FCHO2: variants seen among roughly 807,000 people sequenced by gnomAD.
FCHO2 encodes F-BAR domain only protein 2.
In FCHO2, 43 loss-of-function variants were observed where a neutral mutation model predicts 114.1. That is an observed-to-expected ratio of 0.38 (90% CI 0.30 to 0.49). FCHO2 has a LOEUF of 0.49. Ranked by LOEUF, FCHO2 falls within the 20% of genes least tolerant of loss-of-function variation. FCHO2 has a pLI of 0.97. For synonymous variants in FCHO2, 293 were observed against 315.2 expected, an observed-to-expected ratio of 0.93 and a Z score of 0.75; for missense variants, 807 against 950.4, an observed-to-expected ratio of 0.85 and a Z score of 1.98.
At chr5:72,969,492 C>A (rs1003602097) in intron 2 of FCHO2, among the ~76,000 whole-genome samples, 1 of 152,212 alleles carries the variant, frequency 6.6e-6, no homozygotes, top group African/African-American at 2.4e-5. Flanking sequence ...CTCCTTCCTC[C>A]GGGCTTCTAC....
chr5:73,080,702 G>A, intron 22 of FCHO2, among the ~76,000 whole-genome samples: 1 of 152,058 alleles, frequency 6.6e-6, no homozygotes, highest in East Asian at 1.9e-4. Context: ...GAACAAAAAA[G>A]TGCTGCCACT....
intron 2 of FCHO2, among the ~76,000 whole-genome samples, chr5:72,970,451 A>G (rs1381196440): frequency 2.0e-5 from 3 of 150,844 alleles, no homozygotes; most frequent in Non-Finnish European, 4.4e-5. Flanking sequence ...TCTTCTCTTC[A>G]CCTAGTTAAT....
intron 16 of FCHO2, among the ~76,000 whole-genome samples, chr5:73,057,695 T>G (rs1757661345): frequency 6.6e-6 from 1 of 152,202 alleles, no homozygotes; most frequent in Non-Finnish European, 1.5e-5. Flanking sequence ...AATTTTCTTT[T>G]CAGGATTGGG....
chr5:72,982,604 C>G (rs1382455581), intron 2 of FCHO2, among the ~76,000 whole-genome samples: 1 of 152,060 alleles, frequency 6.6e-6, no homozygotes. Flanking sequence ...GATATTGTGT[C>G]TAAAAAGTCA....
chr5:73,052,655 T>G, intron 13 of FCHO2, 148 bp downstream of exon 13: 1 of 669,834 alleles, frequency 1.5e-6, no homozygotes, highest in East Asian at 3.1e-5. Context: ...AATAAACTTG[T>G]GAATTTGGCT....
At chr5:73,003,276 G>C (rs1187720906) in intron 5 of FCHO2, among the ~76,000 whole-genome samples, 1 of 152,108 alleles carries the variant, frequency 6.6e-6, no homozygotes, top group Non-Finnish European at 1.5e-5. Flanking sequence ...GCCTCCCTAA[G>C]AGCTGGGGTT....
At chr5:73,060,989 A>G (rs1757823592) in intron 17 of FCHO2, among the ~76,000 whole-genome samples, 1 of 149,904 alleles carries the variant, frequency 6.7e-6, no homozygotes, top group Non-Finnish European at 1.5e-5. Context: ...CTATGAATTA[A>G]TTGAACTCTT....
At chr5:73,008,545 C>T (rs549518490) in intron 6 of FCHO2, among the ~76,000 whole-genome samples, 1 of 152,184 alleles carries the variant, frequency 6.6e-6, no homozygotes, top group South Asian at 2.1e-4. Flanking sequence ...CAATTTTGAA[C>T]ATGTTAATTT....
intron 8 of FCHO2, among the ~76,000 whole-genome samples, chr5:73,027,502 A>G (rs1756003501): frequency 6.6e-6 from 1 of 152,098 alleles, no homozygotes; most frequent in Non-Finnish European, 1.5e-5. Context: ...CAAGGTCACA[A>G]AGATTTTTAA....
chr5:73,021,533 A>ACAC (rs1755623631), intron 8 of FCHO2, among the ~76,000 whole-genome samples: 2 of 152,046 alleles, frequency 1.3e-5, no homozygotes, highest in South Asian at 4.1e-4. Flanking sequence ...CTACTTTCCT[A>ACAC]CACCACATCT....
At chr5:73,076,359 A>T (rs867480892) in intron 20 of FCHO2, among the ~76,000 whole-genome samples, 7 of 152,182 alleles carry the variant, frequency 4.6e-5, no homozygotes, top group African/African-American at 1.4e-4. Flanking sequence ...TTTTGGTCTA[A>T]GTGGGAGCAG....
intron 19 of FCHO2, among the ~76,000 whole-genome samples, chr5:73,071,370 C>T (rs777614083): frequency 2.6e-5 from 4 of 151,532 alleles, no homozygotes; most frequent in Non-Finnish European, 4.4e-5. Context: ...CTGTCATATA[C>T]GAAAACCATA....
intron 13 of FCHO2, among the ~76,000 whole-genome samples, chr5:73,053,022 G>GA (rs1007330636): frequency 4.6e-5 from 7 of 152,168 alleles, no homozygotes; most frequent in African/African-American, 1.7e-4. Context: ...ATTTGAGGGA[G>GA]AAATAAAACA....
intron 15 of FCHO2, among the ~76,000 whole-genome samples, chr5:73,054,753 A>G (rs192738152): frequency 6.6e-6 from 1 of 152,292 alleles, no homozygotes; most frequent in East Asian, 1.9e-4. Context: ...TTAAACTTCA[A>G]TACATGGCTA....
At chr5:73,020,493 GA>G (rs1407093365) in intron 8 of FCHO2, among the ~76,000 whole-genome samples, 2 of 152,232 alleles carry the variant, frequency 1.3e-5, no homozygotes, top group Non-Finnish European at 1.5e-5. Flanking sequence ...AACAGAAATA[GA>G]CTGGGTGTAC....
At chr5:73,045,643 A>G (rs528609796) in intron 11 of FCHO2, among the ~76,000 whole-genome samples, 9 of 152,332 alleles carry the variant, frequency 5.9e-5, no homozygotes, top group Admixed American at 5.2e-4. Context: ...TTTATCTAAC[A>G]TAAAGACAGC....
chr5:72,983,756 C>T (rs991284878), intron 2 of FCHO2, among the ~76,000 whole-genome samples: 4 of 151,896 alleles, frequency 2.6e-5, no homozygotes, highest in Admixed American at 6.6e-5. Context: ...CTTTGTTCTG[C>T]TCCTTCAGTA....
chr5:72,997,755 C>G, intron 5 of FCHO2: 1 of 1,374,720 alleles, frequency 7.3e-7, no homozygotes, highest in Non-Finnish European at 9.6e-7. Context: ...AGGGTCTGCC[C>G]CTCCAACCCC....
chr5:73,042,007 A>G (rs1015891660), intron 11 of FCHO2, among the ~76,000 whole-genome samples: 11 of 152,078 alleles, frequency 7.2e-5, no homozygotes, highest in Non-Finnish European at 1.3e-4. Flanking sequence ...CTGCGTAACT[A>G]TTGTTTCCTT....
Sources: allele counts gnomAD v4.1 joint callset (sites outside exome capture counted in the v4.1 genomes callset), GRCh38; gene constraint gnomAD v4.1.1; transcripts MANE v1.5; gene names NCBI Gene and HGNC (gene_info 2026-07-23, HGNC 2026-07-21).